The following HPX variants were observed in gnomAD, a reference collection of about 807,000 sequenced individuals.
HPX encodes the protein beta-1B-glycoprotein.
A neutral mutation model predicts 53.8 loss-of-function variants in HPX; 42 were observed. That is an observed-to-expected ratio of 0.78 (90% CI 0.61 to 1.01). The LOEUF (loss-of-function observed/expected upper bound fraction) is 1.01. Among genes scored for constraint, HPX ranks in the 50% least tolerant of loss-of-function variants. The pLI is 0.00. For synonymous variants in HPX, 229 were observed against 221.1 expected (o/e 1.04, Z -0.32); for missense variants, 547 against 594.3 (o/e 0.92, Z 0.83).
At chr11:6,440,411 T>G in intron 3 of HPX, 56 bp downstream of exon 3, 2 of 1,590,510 alleles carry the variant, frequency 1.3e-6, no homozygotes, top group African/African-American at 2.7e-5. Flanking sequence ...AGGGACACCC[T>G]TTGTGAAGGA....
chr11:6,436,095 C>T (rs1200648886), intron 7 of HPX, among the ~76,000 whole-genome samples: 1 of 152,130 alleles, frequency 6.6e-6, no homozygotes, highest in East Asian at 1.9e-4. Context: ...ATTTTCACTA[C>T]AGGTGTGTGT....
chr11:6,440,419 G>GGGT, intron 3 of HPX, 48 bp downstream of exon 3: 1 of 1,590,650 alleles, frequency 6.3e-7, no homozygotes, highest in Non-Finnish European at 8.6e-7. Context: ...CCTTTGTGAA[G>GGGT]GAGAGTAAGT....
chr11:6,437,725 G>A (rs1849435778), intron 5 of HPX, 73 bp from the exon 6 acceptor site: 2 of 1,181,250 alleles, frequency 1.7e-6, no homozygotes, highest in Admixed American at 3.6e-5. Context: ...CTGGGTCCCA[G>A]GATGGGCCAG....
Position 6,438,484 on chromosome 11 carries a change from G to A in HPX, c.362C>T (p.Pro121Leu). ...IKGDKVWVYP[P>L]EKKEKGYPKL... ...TGGGTATCCTTTCTCCTTCTTTTCA[G>A]GAGGGTATACCCAGACTTTGTCCCC... The change falls in exon 5 of 10, where the codon CCT (proline) becomes CTT (leucine). Residue 121 changes from proline (P) to leucine (L), a missense_variant. By Grantham distance (98) the Pro-to-Leu change is moderately conservative. Transcript: ENST00000265983. 1 of 1,614,116 alleles carries A rather than the reference G, an allele frequency of 6.2e-7. No homozygotes were observed. The highest frequency in any genetic ancestry group is 1.3e-5 in the African/African-American group (1 of 75,014).
At chr11:6,439,979 G>T in intron 4 of HPX, 186 bp downstream of exon 4, 1 of 692,794 alleles carries the variant, frequency 1.4e-6, no homozygotes, top group South Asian at 1.6e-5. Context: ...CCACTGGATG[G>T]TGCACCTGCC....
intron 4 of HPX, among the ~76,000 whole-genome samples, chr11:6,438,929 A>G (rs73398901): frequency 0.03 from 4,600 of 152,356 alleles, 246 homozygotes; most frequent in African/African-American, 0.1. Context: ...CACTGAGGAT[A>G]ACAAGACTCT....
chr11:6,437,127 G>A lies in HPX; in HGVS notation c.754C>T (p.Pro252Ser), dbSNP rs1392577561. The A allele has an allele frequency of 6.2e-7, 1 of 1,614,022 alleles. No individual in the cohort carries two copies. The highest frequency in any genetic ancestry group is 1.3e-5 in the African/African-American group (1 of 74,910). The part of the protein sequence containing the change: ...TGHGNSTHHG[P>S]EYMRCSPHLV... ...TGTGGGCTACAGCGCATATACTCAG[G>A]GCCATGGTGGGTACTGTTCCCATGG... is the stretch of plus-strand genomic sequence containing the variant. Residue 252 changes from proline (P) to serine (S), a missense_variant, in exon 7 of 10, where the codon CCT (proline) becomes TCT (serine). Physicochemically the swap from Pro to Ser is moderately conservative, Grantham distance 74. Transcript: ENST00000265983.
chr11:6,438,224 T>C (rs780220683), intron 5 of HPX, 132 bp downstream of exon 5: 1 of 899,226 alleles, frequency 1.1e-6, no homozygotes, highest in Non-Finnish European at 1.8e-6. Context: ...CATACGTGGC[T>C]TCTCTATTTC....
rs2134137285 is a variant in HPX, at chr11:6,438,396, G to A, written c.450C>T (p.His150=). ...CGCCTTCAGCTTGACATTCTCCACG[G>A]TGACATTCCACAGCTGCATCCAGTG... is the stretch of plus-strand genomic sequence containing the variant. ...PSPLDAAVEC[H]RGECQAEGVL... is the part of the protein sequence containing the mutation. Residue 150 remains histidine (H), a synonymous_variant, in exon 5 of 10, where the codon CAC becomes CAT. Transcript: ENST00000265983. The A allele has an allele frequency of 6.2e-7, 1 of 1,614,128 alleles. No homozygotes were observed. The highest frequency in any genetic ancestry group is 2.2e-5 in the East Asian group (1 of 44,886).
chr11:6,436,177 T>C (rs1399539716), intron 7 of HPX, among the ~76,000 whole-genome samples: 1 of 152,242 alleles, frequency 6.6e-6, no homozygotes, highest in African/African-American at 2.4e-5. Context: ...TGTGGTGATG[T>C]ATTTTTCAAC....
chr11:6,433,240 A>G (rs992724997), intron 7 of HPX, among the ~76,000 whole-genome samples: 2 of 152,174 alleles, frequency 1.3e-5, no homozygotes, highest in African/African-American at 4.8e-5. Context: ...GCAATGGTGC[A>G]ATCTCGGCTC....
chr11:6,440,443 C>T (rs188970040), intron 3 of HPX, 24 bp downstream of exon 3: 23 of 1,603,122 alleles, frequency 1.4e-5, no homozygotes, highest in Middle Eastern at 1.7e-4. Context: ...AGGTCCTAAA[C>T]GCCCTAACCT....
chr11:6,440,770 G>A (rs1393214023), intron 1 of HPX, 40 bp from the exon 2 acceptor site: 16 of 1,601,778 alleles, frequency 1.0e-5, no homozygotes, highest in East Asian at 6.7e-5. Context: ...CATTGGGACC[G>A]ATCCCTTTCC....
chr11:6,436,682 C>T (rs1360100414), intron 7 of HPX, among the ~76,000 whole-genome samples: 1 of 152,096 alleles, frequency 6.6e-6, no homozygotes, highest in Admixed American at 6.5e-5. Flanking sequence ...TATGCAAGAA[C>T]AAAGGGAGGC....
intron 4 of HPX, chr11:6,439,488 G>C (rs1474410890): frequency 1.3e-5 from 2 of 152,738 alleles, no homozygotes; most frequent in African/African-American, 4.8e-5. Context: ...TCAGAAAGTA[G>C]ATCTAGATCC....
chr11:6,437,816 C>T (rs1849436893), intron 5 of HPX, 164 bp from the exon 6 acceptor site: 1 of 627,700 alleles, frequency 1.6e-6, no homozygotes, highest in Admixed American at 2.5e-5. Flanking sequence ...AATTCAGCAG[C>T]AAAACACACA....
intron 2 of HPX, 42 bp downstream of exon 2, chr11:6,440,630 C>G: frequency 7.6e-7 from 1 of 1,314,976 alleles, no homozygotes; most frequent in South Asian, 1.2e-5. Context: ...TGCAGAGACA[C>G]AACCAGACAG....
Position 6,440,865 on chromosome 11 carries a change from T to A in HPX, c.83+16A>T. The A allele has an allele frequency of 6.2e-7, 1 of 1,612,130 alleles. No individual in the cohort carries two copies. ...CCAGAACTCAATCCTTCGCTTCTAG[T>A]CCCAGCTTTACTCACGGAGGAAGAG... On this transcript the variant is annotated intron_variant, in intron 1 of 9. Coordinates refer to ENST00000265983, the MANE Select transcript of HPX (RefSeq NM_000613.3).
intron 5 of HPX, 75 bp downstream of exon 5, chr11:6,438,281 C>A: frequency 6.9e-7 from 1 of 1,447,510 alleles, no homozygotes; most frequent in Non-Finnish European, 9.6e-7. Context: ...CCATCACTAC[C>A]ACTATCACCA....
Sources: gnomAD v4.1 joint callset for allele counts (sites outside exome capture counted in the v4.1 genomes callset) on GRCh38, gnomAD v4.1.1 for gene constraint, MANE v1.5 for transcripts, NCBI Gene and HGNC (gene_info 2026-07-23, HGNC 2026-07-21) for gene names.